SPECC1: variants seen among roughly 807,000 people sequenced by gnomAD.
SPECC1 encodes cytospin-B.
In SPECC1, 62 loss-of-function variants were observed where a neutral mutation model predicts 104.1. The ratio of observed to expected loss-of-function variants is 0.60; its 90% CI spans 0.49 to 0.74. The LOEUF is 0.74. SPECC1 is among the 30% of genes least tolerant of loss of function. The pLI is 0.00. For missense variants in SPECC1, 1,306 were observed against 1,310.5 expected, an observed-to-expected ratio of 1.00 and a Z score of 0.05; for synonymous variants, 513 against 501.6, an observed-to-expected ratio of 1.02 and a Z score of -0.30.
chr17:20,098,742 A>G (rs889923987), intron 2 of SPECC1, among the ~76,000 whole-genome samples: 2 of 152,128 alleles, frequency 1.3e-5, no homozygotes, highest in Non-Finnish European at 2.9e-5. Context: ...CTTGACCTCC[A>G]TCCTCCTCCT....
chr17:20,178,908 C>G (rs2034665911), intron 3 of SPECC1, among the ~76,000 whole-genome samples: 1 of 152,148 alleles, frequency 6.6e-6, no homozygotes, highest in Non-Finnish European at 1.5e-5. Flanking sequence ...GATAGAAATC[C>G]TGTCAACTTC....
At chr17:20,151,816 A>G (rs1286445042) in intron 3 of SPECC1, among the ~76,000 whole-genome samples, 2 of 152,154 alleles carry the variant, frequency 1.3e-5, no homozygotes, top group African/African-American at 2.4e-5. Context: ...TGGGAGGCCA[A>G]CTCAGGTGGA....
chr17:20,028,620 C>A (rs891135023), intron 1 of SPECC1, among the ~76,000 whole-genome samples: 2 of 152,138 alleles, frequency 1.3e-5, no homozygotes, highest in Admixed American at 6.5e-5. Flanking sequence ...GTTGCTGTGT[C>A]GTAACATTTG....
At chr17:20,013,564 C>T (rs2044012886) in intron 1 of SPECC1, among the ~76,000 whole-genome samples, 1 of 152,108 alleles carries the variant, frequency 6.6e-6, no homozygotes, top group Non-Finnish European at 1.5e-5. Context: ...TGCAGTGGCA[C>T]GATCTCCGCT....
chr17:20,280,835 T>C (rs567704101), intron 12 of SPECC1, among the ~76,000 whole-genome samples: 3 of 152,330 alleles, frequency 2.0e-5, no homozygotes, highest in African/African-American at 7.2e-5. Flanking sequence ...ATCCCTACTT[T>C]TAAAAAACCT....
chr17:20,185,502 C>T (rs568255205), intron 3 of SPECC1, among the ~76,000 whole-genome samples: 14 of 152,326 alleles, frequency 9.2e-5, no homozygotes, highest in Admixed American at 2.6e-4. Context: ...GCCAGGGTTT[C>T]GGATGGCAGG....
chr17:20,279,333 T>G (rs930040583), intron 12 of SPECC1, among the ~76,000 whole-genome samples: 1 of 150,178 alleles, frequency 6.7e-6, no homozygotes, highest in Admixed American at 6.6e-5. Context: ...CTTTTTTTTT[T>G]TTTTCTGAGA....
chr17:20,116,150 C>T (rs535343296), intron 3 of SPECC1, among the ~76,000 whole-genome samples: 8 of 152,018 alleles, frequency 5.3e-5, no homozygotes, highest in East Asian at 1.9e-4. Context: ...TGCAGTGGCG[C>T]GATCTTGGCT....
chr17:20,183,039 G>A (rs2526460), intron 3 of SPECC1, among the ~76,000 whole-genome samples: 107,813 of 152,136 alleles, frequency 0.71, 39,996 homozygotes, highest in East Asian at 0.99. Context: ...ATATTAGTAC[G>A]CTTGTAAACA....
intron 3 of SPECC1, among the ~76,000 whole-genome samples, chr17:20,110,940 C>G (rs2048460772): frequency 6.6e-6 from 1 of 152,042 alleles, no homozygotes; most frequent in South Asian, 2.1e-4. Context: ...AGGTGGGTGT[C>G]TAATATTTGT....
intron 1 of SPECC1, among the ~76,000 whole-genome samples, chr17:20,021,664 TATATATATATAATATAATA>T (rs1296463886): frequency 4.2e-5 from 6 of 144,372 alleles, no homozygotes; most frequent in African/African-American, 1.6e-4. Context: ...GGCTCTGATA[TATATATATATAATATAATA>T]ATATATATAT....
chr17:20,013,008 T>A (rs1289589836), intron 1 of SPECC1, among the ~76,000 whole-genome samples: 1 of 152,256 alleles, frequency 6.6e-6, no homozygotes, highest in Non-Finnish European at 1.5e-5. Context: ...TCAAGGTTCA[T>A]CCATGTTGTA....
rs146951117 is a variant in SPECC1 at position 20,286,697 on chromosome 17, G to A, written c.2941-10264G>A. 3.1e-3 allele frequency among the ~76,000 whole-genome samples: 472 copies of A among 152,294 alleles called. 5 individuals carry two copies. The highest frequency in any genetic ancestry group is 0.011 in the African/African-American group (439 of 41,556). On this transcript the variant is annotated intron_variant, in intron 12 of 14. Transcript: ENST00000395527. ...CCCAGTATATTGGCCCTGCCCACAC[G>A]AGTACCTTGCTGCCATGGCTTCCTT... is the stretch of plus-strand genomic sequence containing the variant.
chr17:20,312,689 TAGA>T (rs1215597412), intron 14 of SPECC1, among the ~76,000 whole-genome samples: 16 of 152,360 alleles, frequency 1.1e-4, no homozygotes, highest in Non-Finnish European at 1.5e-4. Flanking sequence ...CCAGTGTAGG[TAGA>T]AGGAGACATT....
intron 7 of SPECC1, among the ~76,000 whole-genome samples, chr17:20,239,887 T>G (rs2039116775): frequency 8.0e-6 from 1 of 124,362 alleles, no homozygotes; most frequent in Non-Finnish European, 1.7e-5. Context: ...AGTTTTTTTT[T>G]TTTTTTTTTT....
chr17:20,046,849 A>G (rs1381529254), intron 1 of SPECC1, among the ~76,000 whole-genome samples: 1 of 136,190 alleles, frequency 7.3e-6, no homozygotes, highest in Non-Finnish European at 1.5e-5. Context: ...ACACGTCACA[A>G]GGATCCGGAG....
At chr17:20,235,776 A>G (rs1251360990) in intron 7 of SPECC1, among the ~76,000 whole-genome samples, 1 of 152,244 alleles carries the variant, frequency 6.6e-6, no homozygotes, top group Non-Finnish European at 1.5e-5. Context: ...AACACACTTA[A>G]TATCTGTGCC....
chr17:20,168,973 G>A (rs2151169157), intron 3 of SPECC1, among the ~76,000 whole-genome samples: 1 of 152,146 alleles, frequency 6.6e-6, no homozygotes, highest in African/African-American at 2.4e-5. Flanking sequence ...TCCAGGCCCA[G>A]GCAATCCTTC....
chr17:20,078,301 A>G (rs1448712949), intron 1 of SPECC1, among the ~76,000 whole-genome samples: 1 of 151,836 alleles, frequency 6.6e-6, no homozygotes, highest in African/African-American at 2.4e-5. Flanking sequence ...ACATACCACA[A>G]AGAGTACTAC....
Sources: gnomAD v4.1 joint callset for allele counts (sites outside exome capture counted in the v4.1 genomes callset) on GRCh38, gnomAD v4.1.1 for gene constraint, MANE v1.5 for transcripts, NCBI Gene and HGNC (gene_info 2026-07-23, HGNC 2026-07-21) for gene names.